ATP8A1: variants seen among roughly 807,000 people sequenced by gnomAD.
The protein encoded by ATP8A1 is phospholipid-transporting ATPase IA.
ATP8A1 carries 90 observed loss-of-function variants against 177.7 expected under a neutral mutation model. The observed-to-expected ratio is 0.51, with a 90% CI of 0.43 to 0.60. The LOEUF is 0.60. Among genes scored for constraint, ATP8A1 ranks in the 20% least tolerant of loss-of-function variants. The pLI is 0.00. For synonymous variants in ATP8A1, 493 were observed against 485.9 expected (o/e 1.01, Z -0.19); for missense variants, 1,072 against 1,392.8 (o/e 0.77, Z 3.67).
At position 42,443,930 on chromosome 4, in the gene ATP8A1, C is replaced by T. The variant is rs147793872; in HGVS notation, c.3016-258G>A. On this transcript the variant is annotated intron_variant, in intron 32 of 36. Coordinates refer to ENST00000381668, the MANE Select transcript of ATP8A1 (RefSeq NM_006095.2). ...CTTTTTTGGTAGTTTTCTCCTCTTA[C>T]GCTTACCTTTTTTACCCCTGAACAT... is the stretch of plus-strand genomic sequence containing the variant. Among the ~76,000 whole-genome samples the T allele has an allele frequency of 6.6e-5, 10 of 152,186 alleles. No homozygotes were observed. The East Asian group carries it at 1.5e-3, about 23-fold the overall frequency.
At chr4:42,604,881 A>T (rs546619929) in intron 5 of ATP8A1, among the ~76,000 whole-genome samples, 1 of 152,356 alleles carries the variant, frequency 6.6e-6, no homozygotes, top group South Asian at 2.1e-4. Context: ...GACATGAATG[A>T]ATCTTGGAGA....
chr4:42,608,282 ACC>A (rs10565213), intron 5 of ATP8A1, among the ~76,000 whole-genome samples: 114,894 of 145,130 alleles, frequency 0.79, 44,166 homozygotes, highest in Non-Finnish European at 0.83. Context: ...CCTCCCACCC[ACC>A]CCACCCCAAT....
chr4:42,510,172 G>T (rs1724866816), intron 22 of ATP8A1, among the ~76,000 whole-genome samples: 2 of 152,068 alleles, frequency 1.3e-5, no homozygotes, highest in Non-Finnish European at 2.9e-5. Flanking sequence ...TAATATGGAT[G>T]GTTATTAGAC....
In ATP8A1 at chr4:42,651,233, G is replaced by A. The variant is rs182348922; in HGVS notation, c.49+5592C>T. Among the ~76,000 whole-genome samples, 51 of 152,236 alleles carry A rather than the reference G, an allele frequency of 3.4e-4. No homozygotes were observed. The East Asian group carries it at 8.7e-3, about 26-fold the overall frequency. On this transcript the variant is annotated intron_variant, in intron 1 of 36. Transcript: ENST00000381668. ...TTTGTAAATTGCCCAGTCTCGGTACGTCTTCATCAGGAGCATGAAAACAGA... is the reference window on the plus strand; with the variant it reads ...TTTGTAAATTGCCCAGTCTCGGTACATCTTCATCAGGAGCATGAAAACAGA...
At position 42,584,127 on chromosome 4, in the gene ATP8A1, T is replaced by C. The variant is rs371655145; in HGVS notation, c.722+2222A>G. Among the ~76,000 whole-genome samples, 29 of 152,272 alleles carry C rather than the reference T, an allele frequency of 1.9e-4. No homozygotes were observed. The East Asian group carries it at 5.6e-3, about 29-fold the overall frequency. ...AATTCAAACACTCTAATAATGCAAT[T>C]ACAAAATAATGAAAACACCAAAAAC... On this transcript the variant is annotated intron_variant, in intron 9 of 36. Coordinates refer to ENST00000381668, the MANE Select transcript of ATP8A1 (RefSeq NM_006095.2).
At chr4:42,532,573 T>C (rs932752492) in intron 20 of ATP8A1, among the ~76,000 whole-genome samples, 2 of 152,140 alleles carry the variant, frequency 1.3e-5, no homozygotes, top group African/African-American at 4.8e-5. Context: ...AATGACCATA[T>C]TGCCCAAAGC....
intron 22 of ATP8A1, among the ~76,000 whole-genome samples, chr4:42,517,508 T>G (rs548298387): frequency 3.3e-5 from 5 of 152,304 alleles, no homozygotes; most frequent in African/African-American, 1.2e-4. Context: ...CTGTCCACAA[T>G]GCCCAATGTG....
intron 14 of ATP8A1, among the ~76,000 whole-genome samples, chr4:42,571,481 T>A (rs952216698): frequency 2.0e-5 from 3 of 151,458 alleles, no homozygotes; most frequent in Non-Finnish European, 4.4e-5. Context: ...TTTTTTTTTT[T>A]ACAAAGATGG....
intron 1 of ATP8A1, among the ~76,000 whole-genome samples, chr4:42,645,480 G>T (rs987675369): frequency 3.3e-5 from 5 of 152,134 alleles, no homozygotes; most frequent in Non-Finnish European, 7.3e-5. Context: ...CTGCACATGA[G>T]AATTACCTAG....
chr4:42,522,334 A>G, intron 21 of ATP8A1, 35 bp from the exon 22 acceptor site: 2 of 1,598,700 alleles, frequency 1.3e-6, no homozygotes, highest in Non-Finnish European at 8.5e-7. Flanking sequence ...CCAACACACC[A>G]AAGATTTTCT....
chr4:42,572,078 C>T (rs539674539), intron 14 of ATP8A1, among the ~76,000 whole-genome samples: 27 of 152,228 alleles, frequency 1.8e-4, no homozygotes, highest in African/African-American at 6.3e-4. Context: ...GATGTTTTGG[C>T]AACACTGAGG....
Position 42,455,570 on chromosome 4 carries a change from AG to A in ATP8A1, c.2648del (p.Ser883LeufsTer11). On this transcript the variant is annotated frameshift_variant, in exon 28 of 37. Transcript: ENST00000381668. LOFTEE classifies it high-confidence loss of function. ...EIWFAFVNGF[S>X]GQILFERWCI... Reference sequence around the variant, plus strand: ...ACCATCTTTCAAAGAGGATCTGTCCAGAAAAGCCATTAACAAAGGCAAACCA... The same window carrying A: ...ACCATCTTTCAAAGAGGATCTGTCCAAAAAGCCATTAACAAAGGCAAACCA... 6.2e-7 allele frequency: 1 copy of A among 1,613,716 alleles called. No individual in the cohort carries two copies. The highest frequency in any genetic ancestry group is 8.5e-7 in the Non-Finnish European group (1 of 1,179,774).
chr4:42,626,774 C>A, intron 2 of ATP8A1: 1 of 557,646 alleles, frequency 1.8e-6, no homozygotes, highest in East Asian at 3.1e-5. Context: ...GCAGCATCGG[C>A]AGAGGATGGG....
intron 22 of ATP8A1, among the ~76,000 whole-genome samples, chr4:42,515,398 A>C (rs1253513249): frequency 1.3e-5 from 2 of 152,216 alleles, no homozygotes; most frequent in African/African-American, 4.8e-5. Context: ...ATGAATGCTC[A>C]AGAAAAGTCC....
At chr4:42,533,216 C>A (rs1478699597) in intron 20 of ATP8A1, among the ~76,000 whole-genome samples, 1 of 152,156 alleles carries the variant, frequency 6.6e-6, no homozygotes, top group East Asian at 1.9e-4. Context: ...TGTGAGTCAG[C>A]TTGCTTTCTC....
chr4:42,528,680 G>A (rs35722201), intron 20 of ATP8A1, among the ~76,000 whole-genome samples: 47,192 of 151,902 alleles, frequency 0.31, 8,666 homozygotes, highest in East Asian at 0.56. Context: ...TCCTACCCCA[G>A]GGGCATATCA....
intron 16 of ATP8A1, among the ~76,000 whole-genome samples, chr4:42,554,266 A>C (rs1729817779): frequency 6.6e-6 from 1 of 152,150 alleles, no homozygotes; most frequent in African/African-American, 2.4e-5. Context: ...AATGAGGATT[A>C]ACTGCAGCCG....
At chr4:42,526,149 C>T (rs1193710320) in intron 20 of ATP8A1, among the ~76,000 whole-genome samples, 5 of 152,004 alleles carry the variant, frequency 3.3e-5, no homozygotes, top group Admixed American at 2.6e-4. Context: ...GGATTAAATT[C>T]GGTACTGTAT....
chr4:42,443,103 T>G (rs1253779620), intron 33 of ATP8A1, among the ~76,000 whole-genome samples: 10 of 152,176 alleles, frequency 6.6e-5, no homozygotes, highest in African/African-American at 1.9e-4. Context: ...AAAACCAAAC[T>G]GATGTCATTA....
Sources: gnomAD v4.1 joint callset for allele counts (sites outside exome capture counted in the v4.1 genomes callset) on GRCh38, gnomAD v4.1.1 for gene constraint, MANE v1.5 for transcripts, NCBI Gene and HGNC (gene_info 2026-07-23, HGNC 2026-07-21) for gene names.